Variants in GRIN2B observed in about 807,000 individuals in gnomAD.
GRIN2B encodes the protein glutamate receptor ionotropic, NMDA 2B.
A neutral mutation model predicts 114.5 loss-of-function variants in GRIN2B; 5 were observed. The ratio of observed to expected loss-of-function variants is 0.04; its 90% CI spans 0.02 to 0.09. The LOEUF is 0.09. Ranked by LOEUF, GRIN2B falls within the 10% of genes least tolerant of loss-of-function variation. The pLI, the probability that GRIN2B is intolerant of heterozygous loss-of-function variation, is 1.00. For missense variants in GRIN2B, 1,108 were observed against 1,943.5 expected (o/e 0.57, Z 8.08); for synonymous variants, 787 against 745.1 (o/e 1.06, Z -0.92).
intron 3 of GRIN2B, among the ~76,000 whole-genome samples, chr12:13,804,002 T>A (rs899278426): frequency 6.6e-6 from 1 of 152,196 alleles, no homozygotes; most frequent in African/African-American, 2.4e-5. Context: ...CTTCACTAAG[T>A]ACTTTATTCA....
chr12:13,814,227 T>C (rs932897084), intron 3 of GRIN2B, among the ~76,000 whole-genome samples: 3 of 152,238 alleles, frequency 2.0e-5, no homozygotes, highest in Admixed American at 2.0e-4. Flanking sequence ...TGGCAAAGGA[T>C]TGCTTTCCGT....
rs759518484 is a variant in GRIN2B, at chr12:13,562,753, G to C, written c.*30C>G. 5.7e-6 allele frequency: 9 copies of C among 1,590,354 alleles called. No homozygotes were observed. In the East Asian group the frequency reaches 1.8e-4, roughly 32 times the overall value. ...ACGCGACCCACAGCCTTACCCTCCC[G>C]TACCCACCTTAACCTCTCTGTTCCC... On this transcript the variant is annotated 3_prime_UTR_variant, in exon 14 of 14. Transcript: ENST00000609686.
intron 2 of GRIN2B, among the ~76,000 whole-genome samples, chr12:13,876,769 C>G (rs1383358186): frequency 6.6e-6 from 1 of 152,156 alleles, no homozygotes; most frequent in Non-Finnish European, 1.5e-5. Context: ...TTGCTAGTAA[C>G]AAGGCTTTTC....
intron 3 of GRIN2B, among the ~76,000 whole-genome samples, chr12:13,844,860 G>A (rs553101793): frequency 6.6e-6 from 1 of 152,232 alleles, no homozygotes; most frequent in Admixed American, 6.5e-5. Context: ...ATCATGAAAG[G>A]TAATATTTTG....
intron 5 of GRIN2B, among the ~76,000 whole-genome samples, chr12:13,619,164 G>A (rs1037257823): frequency 4.6e-5 from 7 of 152,138 alleles, no homozygotes; most frequent in Admixed American, 6.5e-5. Context: ...AAACTGCATT[G>A]CAGAATCAAG....
chr12:13,621,619 T>G (rs867982347), intron 5 of GRIN2B, among the ~76,000 whole-genome samples: 26 of 144,538 alleles, frequency 1.8e-4, no homozygotes, highest in African/African-American at 4.2e-4. Flanking sequence ...TTTTGTTTTT[T>G]TTTTTTTTTT....
rs74820588 is a variant in GRIN2B at position 13,667,553 on chromosome 12, T to C, written c.1125+8192A>G. On this transcript the variant is annotated intron_variant, in intron 5 of 13. Transcript: ENST00000609686. ...TGAGAACCAGAGTTTCTATTTAACA[T>C]GCATATGAATGTCTAATCATAGGGA... Among the ~76,000 whole-genome samples the C allele has an allele frequency of 2.9e-3, 445 of 152,286 alleles. 2 individuals are homozygous for C. The highest frequency in any genetic ancestry group is 4.0e-3 in the Non-Finnish European group (273 of 68,014).
intron 4 of GRIN2B, among the ~76,000 whole-genome samples, chr12:13,710,745 G>A (rs1255876405): frequency 1.3e-5 from 2 of 152,104 alleles, no homozygotes; most frequent in East Asian, 3.9e-4. Flanking sequence ...ACAAATGGAA[G>A]AACATTCCAT....
chr12:13,858,480 G>T (rs1210298031), intron 3 of GRIN2B, among the ~76,000 whole-genome samples: 1 of 152,056 alleles, frequency 6.6e-6, no homozygotes, highest in East Asian at 1.9e-4. Flanking sequence ...AATCACAGAA[G>T]TCTCAGAAAG....
Position 13,563,410 on chromosome 12 carries a change from G to C in GRIN2B, c.3828C>G (p.Ala1276=), listed in dbSNP as rs1378223493. The C allele has an allele frequency of 6.2e-7, 1 of 1,614,224 alleles. No individual in the cohort carries two copies. The highest frequency in any genetic ancestry group is 8.5e-7 in the Non-Finnish European group (1 of 1,180,046). ...PAAPVAVTSN[A]STTKYPQSPT... is the part of the protein sequence containing the mutation. ...GGCTCTGAGGGTACTTAGTGGTGGA[G>C]GCGTTTGACGTCACCGCCACTGGGG... is the stretch of plus-strand genomic sequence containing the variant. Residue 1276 remains alanine, a synonymous_variant, in exon 14 of 14, where the codon GCC becomes GCG. Coordinates refer to ENST00000609686, the MANE Select transcript of GRIN2B (RefSeq NM_000834.5).
Position 13,690,823 on chromosome 12 carries a change from T to C in GRIN2B, c.1011-14964A>G, listed in dbSNP as rs548570210. Among the ~76,000 whole-genome samples the C allele has an allele frequency of 1.6e-4, 25 of 152,326 alleles. No homozygotes were observed. The South Asian group carries it at 2.7e-3, about 16-fold the overall frequency. ...GTTTGTGGCTATGATTTTTTTAGTT[T>C]AGAAACTCAAAGCATTGGGGGAATC... On this transcript the variant is annotated intron_variant, in intron 4 of 13. Coordinates refer to ENST00000609686, the MANE Select transcript of GRIN2B (RefSeq NM_000834.5).
intron 2 of GRIN2B, among the ~76,000 whole-genome samples, chr12:13,938,152 C>G (rs1867162149): frequency 6.6e-6 from 1 of 151,680 alleles, no homozygotes; most frequent in East Asian, 1.9e-4. Flanking sequence ...AAAGAAGAAA[C>G]AGAGAAGCAA....
chr12:13,914,723 A>G (rs1246358372), intron 2 of GRIN2B, among the ~76,000 whole-genome samples: 2 of 152,228 alleles, frequency 1.3e-5, no homozygotes, highest in African/African-American at 4.8e-5. Flanking sequence ...AATGTATACA[A>G]TGGAATACTA....
At chr12:13,936,847 CA>C (rs559462537) in intron 2 of GRIN2B, among the ~76,000 whole-genome samples, 6 of 144,840 alleles carry the variant, frequency 4.1e-5, no homozygotes, top group Admixed American at 1.4e-4. Flanking sequence ...CAGAAAATTA[CA>C]AAAAAAAGAT....
At chr12:13,749,811 A>G (rs2136625119) in intron 4 of GRIN2B, among the ~76,000 whole-genome samples, 1 of 152,320 alleles carries the variant, frequency 6.6e-6, no homozygotes, top group South Asian at 2.1e-4. Flanking sequence ...AAACCCTGTT[A>G]GTCAACCCCA....
Position 13,753,413 on chromosome 12 carries a change from G to C in GRIN2B, c.914C>G (p.Ser305Cys). The C allele has an allele frequency of 6.2e-7, 1 of 1,614,042 alleles. No homozygotes were observed. ...GAAGCTGTGCTCAGACAGCATGTCA[G>C]AAGCAGCAGTGGTGATTATGGCAAT... The part of the protein sequence containing the change: ...DGIAIITTAA[S>C]DMLSEHSFIP... The change falls in exon 4 of 14, where the codon TCT becomes TGT. Residue 305 changes from serine to cysteine, a missense_variant. Around this residue, in one of 19 missense-constraint regions of GRIN2B, gnomAD observed 199 missense variants for 439.6 expected, o/e 0.45. Transcript: ENST00000609686. This position sits in a 1 kb window ranked among gnomAD's most constrained non-coding sequence, Gnocchi z 6.2.
chr12:13,831,972 A>G (rs931757794), intron 3 of GRIN2B, among the ~76,000 whole-genome samples: 11 of 152,186 alleles, frequency 7.2e-5, no homozygotes, highest in African/African-American at 2.7e-4. Context: ...GCTTCCATAT[A>G]TAGATGGGCT....
chr12:13,956,891 T>G (rs1328319808), intron 2 of GRIN2B, among the ~76,000 whole-genome samples: 1 of 152,222 alleles, frequency 6.6e-6, no homozygotes. Flanking sequence ...TTAAAGACTC[T>G]GAATTTCTAA....
intron 3 of GRIN2B, among the ~76,000 whole-genome samples, chr12:13,776,572 T>C (rs1864007560): frequency 6.6e-6 from 1 of 152,168 alleles, no homozygotes; most frequent in Non-Finnish European, 1.5e-5. Context: ...AACAAATTAA[T>C]ATAATCTTAC....
Sources: gnomAD v4.1 joint callset for allele counts (sites outside exome capture counted in the v4.1 genomes callset) on GRCh38, gnomAD v4.1.1 for gene constraint, gnomAD v4.1.1 regional missense constraint, Gnocchi (gnomAD v3.1) non-coding constraint, MANE v1.5 for transcripts, NCBI Gene and HGNC (gene_info 2026-07-23, HGNC 2026-07-21) for gene names.